NBPF12: variants seen among roughly 807,000 people sequenced by gnomAD.
NBPF12 encodes NBPF family member NBPF12.
Under a neutral mutation model 146.4 loss-of-function variants are expected in NBPF12, and 115 were observed. That is an observed-to-expected ratio of 0.79 (90% CI 0.68 to 0.92). NBPF12 has a LOEUF of 0.92. NBPF12 is among the 40% of genes least tolerant of loss of function. The probability of loss-of-function intolerance (pLI) is 0.00; values close to 1 mark genes in which losing one functional copy is unlikely to be tolerated. For synonymous variants in NBPF12, 385 were observed against 508.9 expected, an observed-to-expected ratio of 0.76 and a Z score of 3.28; for missense variants, 1,205 against 1,326.8, an observed-to-expected ratio of 0.91 and a Z score of 1.43.
At position 146,994,400 on chromosome 1, in the gene NBPF12, C is replaced by A; in HGVS notation, c.4199C>A (p.Ser1400Ter). 6.2e-7 allele frequency: 1 copy of A among 1,612,292 alleles called. No homozygotes were observed. Among genetic ancestry groups the A allele is most frequent in the Non-Finnish European group, 8.5e-7 (1 of 1,179,804 alleles). ...CAGGACTCACTGGATAGATGTTATT[C>A]GACTCCATCAATGTACTTTGAACTA... The change falls in exon 34 of 34, where the codon TCG (serine) becomes TAG (stop). Residue 1400 changes from serine (S) to a stop codon, truncating the protein, a stop_gained. Transcript: ENST00000617844. LOFTEE classifies it high-confidence loss of function.
chr1:146,984,279 G>A (rs1474175995), intron 21 of NBPF12, 94 bp downstream of exon 24: 5 of 822,734 alleles, frequency 6.1e-6, no homozygotes, highest in Non-Finnish European at 1.1e-5. Flanking sequence ...TAATGATTTT[G>A]TCTTGTCAGA....
chr1:146,955,651 C>A (rs1432350394), intron 2 of NBPF12, among the ~76,000 whole-genome samples: 1 of 147,132 alleles, frequency 6.8e-6, no homozygotes, highest in Non-Finnish European at 1.5e-5. Context: ...TGATTAACTT[C>A]TTTTAATCTA....
At chr1:146,969,224 CTCT>C (rs1656418596) in intron 10 of NBPF12, among the ~76,000 whole-genome samples, 155 bp from the exon 14 acceptor site, 1 of 151,492 alleles carries the variant, frequency 6.6e-6, no homozygotes. Context: ...AAACCATTTT[CTCT>C]TCTTTCTCTT....
exon 12 of NBPF12, chr1:146,970,671 A>T (rs1168769740): frequency 2.0e-6 from 3 of 1,480,042 alleles, no homozygotes; most frequent in South Asian, 1.1e-5. Context: ...GAGGATGAAG[A>T]TGTTCAAGTT....
exon 28 of NBPF12, chr1:146,989,594 C>G (rs1314940047): frequency 6.3e-7 from 1 of 1,585,464 alleles, no homozygotes; most frequent in Non-Finnish European, 8.7e-7. Context: ...GAGCTGCTGG[C>G]TGAGAAAGAG....
intron 8 of NBPF12, among the ~76,000 whole-genome samples, chr1:146,966,102 G>A (rs1328221137): frequency 4.0e-5 from 6 of 151,764 alleles, no homozygotes; most frequent in Non-Finnish European, 5.9e-5. Flanking sequence ...GTGAGACTCC[G>A]TCTCAAACAG....
chr1:146,961,243 T>C (rs1446037216), intron 4 of NBPF12, among the ~76,000 whole-genome samples: 3 of 151,784 alleles, frequency 2.0e-5, no homozygotes, highest in African/African-American at 7.3e-5. Context: ...GCACAGGCTC[T>C]TGTTCCTAAA....
intron 15 of NBPF12, among the ~76,000 whole-genome samples, chr1:146,975,192 T>C (rs1292931940): frequency 7.3e-6 from 1 of 137,718 alleles, no homozygotes; most frequent in Non-Finnish European, 1.5e-5. Flanking sequence ...AATCACCTCC[T>C]GACTGACTGC....
intron 4 of NBPF12, among the ~76,000 whole-genome samples, chr1:146,961,817 G>C (rs1655869102): frequency 6.6e-6 from 1 of 151,988 alleles, no homozygotes; most frequent in South Asian, 2.1e-4. Flanking sequence ...TCATGCCCCA[G>C]TGCAGTGTTT....
chr1:146,965,863 T>A (rs1656169226), intron 8 of NBPF12, among the ~76,000 whole-genome samples: 1 of 139,116 alleles, frequency 7.2e-6, no homozygotes, highest in South Asian at 2.4e-4. Context: ...ATCCCAGCAC[T>A]TTGAGAGGCC....
chr1:146,950,872 T>G (rs1296312278), intron 1 of NBPF12, among the ~76,000 whole-genome samples: 2 of 152,178 alleles, frequency 1.3e-5, no homozygotes, highest in Non-Finnish European at 2.9e-5. Flanking sequence ...GCTATGGACA[T>G]TCTTGTATAT....
intron 31 of NBPF12, among the ~76,000 whole-genome samples, chr1:146,992,506 G>T (rs1658259557): frequency 1.7e-5 from 2 of 120,946 alleles, no homozygotes; most frequent in Non-Finnish European, 3.6e-5. Flanking sequence ...GTGTGTGTGT[G>T]TGTGTGTCTA....
rs1656103916 is a variant in NBPF12 at position 146,965,109 on chromosome 1, C to T, written c.778+5C>T. 1 of 1,538,928 alleles carries T rather than the reference C, an allele frequency of 6.5e-7. No individual in the cohort carries two copies. The highest frequency in any genetic ancestry group is 1.4e-5 in the African/African-American group (1 of 70,220). Reference sequence around the variant, plus strand: ...ATGCTCTAAACATTCTCCCAGGTAGCCTCTATTTTCCTTGTGTCTCATACC... The same window carrying T: ...ATGCTCTAAACATTCTCCCAGGTAGTCTCTATTTTCCTTGTGTCTCATACC... On this transcript the variant is annotated splice_donor_5th_base_variant and intron_variant, in intron 8 of 33. Transcript: ENST00000617844.
intron 31 of NBPF12, among the ~76,000 whole-genome samples, chr1:146,992,434 T>TCTC (rs1658232723): frequency 1.2e-5 from 1 of 81,542 alleles, no homozygotes. Flanking sequence ...ACTGAGCTCG[T>TCTC]TCTCTCTCTC....
chr1:146,994,467 T>A (rs1358780920), exon 34 of NBPF12: 68 of 1,608,984 alleles, frequency 4.2e-5, no homozygotes, highest in Non-Finnish European at 7.6e-6. Flanking sequence ...TTTACTCATT[T>A]GAGGAACAGC....
chr1:146,974,184 G>A (rs1553887017), intron 14 of NBPF12, among the ~76,000 whole-genome samples: 10 of 147,042 alleles, frequency 6.8e-5, no homozygotes, highest in Middle Eastern at 3.4e-3. Flanking sequence ...TTTGGGCATA[G>A]GATTTCCTTC....
chr1:146,972,009 A>C (rs1253821098), intron 13 of NBPF12, among the ~76,000 whole-genome samples: 6 of 148,456 alleles, frequency 4.0e-5, no homozygotes, highest in African/African-American at 1.5e-4. Context: ...AATGGCATGA[A>C]CCCAGGAACC....
chr1:146,943,061 G>T (rs1409653635), intron 1 of NBPF12, among the ~76,000 whole-genome samples: 2 of 141,794 alleles, frequency 1.4e-5, no homozygotes, highest in South Asian at 4.6e-4. Flanking sequence ...CACCATGCTC[G>T]GCTAATTTCT....
upstream of NBPF12, among the ~76,000 whole-genome samples, chr1:146,946,511 C>T (rs1655075092): frequency 1.2e-5 from 1 of 83,102 alleles, no homozygotes; most frequent in Middle Eastern, 9.1e-3. Flanking sequence ...AGATCTTTCA[C>T]CTTTTTTTTT....
Sources: gnomAD v4.1 joint callset for allele counts (sites outside exome capture counted in the v4.1 genomes callset) on GRCh38, gnomAD v4.1.1 for gene constraint, MANE v1.5 for transcripts, NCBI Gene and HGNC (gene_info 2026-07-23, HGNC 2026-07-21) for gene names.